Variants in FAM221A observed in about 807,000 individuals in gnomAD.
FAM221A encodes family with sequence similarity 221 member A, also known as protein FAM221A.
Under a neutral mutation model 37.6 loss-of-function variants are expected in FAM221A, and 43 were observed. The ratio of observed to expected loss-of-function variants is 1.15; its 90% CI spans 0.90 to 1.48. The LOEUF (loss-of-function observed/expected upper bound fraction) is 1.48. FAM221A is among the 40% of genes most tolerant of loss of function. FAM221A has a pLI of 0.00. For missense variants in FAM221A, 361 were observed against 361.5 expected (o/e 1.00, Z 0.01); for synonymous variants, 135 against 132.9 (o/e 1.02, Z -0.11).
intron 1 of FAM221A, among the ~76,000 whole-genome samples, chr7:23,682,397 GTA>G (rs1784097114): frequency 1.5e-5 from 2 of 129,546 alleles, no homozygotes; most frequent in East Asian, 2.3e-4. Context: ...GTGTGTGTGT[GTA>G]TGTATATATA....
At chr7:23,703,156 A>G (rs549223524), downstream of FAM221A, 1 of 152,334 alleles carries the variant, frequency 6.6e-6, no homozygotes, top group South Asian at 2.1e-4. Flanking sequence ...CAATAATAAT[A>G]TATCCTTATC....
At chr7:23,684,398 T>G in intron 1 of FAM221A, 101 bp from the exon 2 acceptor site, 62 of 670,812 alleles carry the variant, frequency 9.2e-5, no homozygotes, top group Non-Finnish European at 1.4e-4. Flanking sequence ...ATTTACAAAA[T>G]AAAAGCTTAC....
chr7:23,700,408 A>G lies in FAM221A; in HGVS notation c.746-378A>G, dbSNP rs566863380. ...GAAAGATTTTGAAGCAGGTACTATC[A>G]TTACTTATGGTTGCCTATACCAAGC... On this transcript the variant is annotated intron_variant, in intron 5 of 6. Coordinates refer to ENST00000344962, the MANE Select transcript of FAM221A (RefSeq NM_199136.5). 2.0e-5 allele frequency among the ~76,000 whole-genome samples: 3 copies of G among 152,372 alleles called. No individual in the cohort carries two copies. The East Asian group carries it at 5.8e-4, about 29-fold the overall frequency.
chr7:23,690,170 C>CATATATATATATATATAT (rs1175330292), intron 3 of FAM221A, among the ~76,000 whole-genome samples: 6 of 68,600 alleles, frequency 8.7e-5, no homozygotes, highest in Non-Finnish European at 1.1e-4. Flanking sequence ...TGCCTTGGTT[C>CATATATATATATATATAT]ATATATATAT....
rs560496518 is a variant in FAM221A at position 23,702,598 on chromosome 7, A to C, written c.*434A>C. 2.0e-5 allele frequency: 3 copies of C among 152,446 alleles called. No homozygotes were observed. The highest frequency in any genetic ancestry group is 7.2e-5 in the African/African-American group (3 of 41,592). The allele number at this position is 152,446 out of a possible 1,614,324, so 9.4% of individuals were successfully genotyped here. A position where few individuals can be genotyped will look rare whatever the true frequency, so the allele number is the denominator to read the frequency against. Reference sequence around the variant, plus strand: ...AAATCATTAATTTTTTTATTTTTCAAACTTTGTAATGTTATGTTTTCAAAT... The same window carrying C: ...AAATCATTAATTTTTTTATTTTTCACACTTTGTAATGTTATGTTTTCAAAT... On this transcript the variant is annotated 3_prime_UTR_variant, in exon 7 of 7. Coordinates refer to ENST00000344962, the MANE Select transcript of FAM221A (RefSeq NM_199136.5).
At position 23,691,537 on chromosome 7, in the gene FAM221A, G is replaced by A. The variant is rs200212919; in HGVS notation, c.578G>A (p.Gly193Glu). The change falls in exon 4 of 7, where the codon GGA (glycine) becomes GAA (glutamate). Residue 193 changes from glycine to glutamate, a missense_variant. Physicochemically the swap from Gly to Glu is moderately conservative, Grantham distance 98. Transcript: ENST00000344962. ...GACATTCCTTATGCAGCCATGGGAGGATTAACTGGTTTCAGCTCGCTGGCG... is the reference window on the plus strand; with the variant it reads ...GACATTCCTTATGCAGCCATGGGAGAATTAACTGGTTTCAGCTCGCTGGCG... ...GQDIPYAAMG[G>E]LTGFSSLAEG... 38 of 1,614,062 alleles carry A rather than the reference G, an allele frequency of 2.4e-5. No individual in the cohort carries two copies. The highest frequency in any genetic ancestry group is 1.5e-4 in the South Asian group (14 of 91,090).
At chr7:23,691,363 T>G (rs775993931) in intron 3 of FAM221A, 27 bp from the exon 4 acceptor site, 5 of 1,610,864 alleles carry the variant, frequency 3.1e-6, no homozygotes, top group Non-Finnish European at 4.2e-6. Context: ...CCTTTAAGAA[T>G]TTAACTCCCT....
intron 2 of FAM221A, chr7:23,686,597 A>C (rs1387090042): frequency 4.7e-6 from 1 of 213,622 alleles, no homozygotes; most frequent in Admixed American, 5.4e-5. Flanking sequence ...AGAAGTTATT[A>C]TATTTAGTAC....
chr7:23,697,843 C>A (rs971814440), intron 4 of FAM221A, among the ~76,000 whole-genome samples: 2 of 152,148 alleles, frequency 1.3e-5, no homozygotes, highest in African/African-American at 4.8e-5. Flanking sequence ...CCTCAAATTC[C>A]TGGGCTCAAA....
intron 4 of FAM221A, chr7:23,692,106 C>A: frequency 1.5e-6 from 1 of 650,192 alleles, no homozygotes; most frequent in Non-Finnish European, 1.9e-6. Flanking sequence ...TGTGCACACA[C>A]ATATATCTTC....
chr7:23,684,406 T>C, intron 1 of FAM221A, 93 bp from the exon 2 acceptor site: 3 of 714,152 alleles, frequency 4.2e-6, no homozygotes, highest in African/African-American at 2.4e-5. Flanking sequence ...AATAAAAGCT[T>C]ACAAATTTAT....
chr7:23,681,963 G>A (rs1288384164), intron 1 of FAM221A, among the ~76,000 whole-genome samples: 2 of 151,980 alleles, frequency 1.3e-5, no homozygotes, highest in Non-Finnish European at 2.9e-5. Context: ...CGGTTGGGAG[G>A]GGAAGCATGC....
intron 2 of FAM221A, chr7:23,688,597 G>C (rs1352758204): frequency 6.6e-6 from 1 of 151,072 alleles, no homozygotes; most frequent in Non-Finnish European, 1.5e-5. Flanking sequence ...TTTAAGTAAT[G>C]CACTGTGACA....
intron 5 of FAM221A, 92 bp downstream of exon 5, chr7:23,698,391 T>C (rs970562608): frequency 1.4e-6 from 1 of 721,726 alleles, no homozygotes; most frequent in African/African-American, 1.9e-5. Context: ...TTTTTTTCAT[T>C]ATTACGATAA....
intron 2 of FAM221A, chr7:23,686,492 T>G: frequency 3.4e-6 from 1 of 296,026 alleles, no homozygotes; most frequent in Non-Finnish European, 6.6e-6. Flanking sequence ...CTGGAACTCC[T>G]GGGCTTAAGT....
chr7:23,698,354 C>T, intron 5 of FAM221A, 55 bp downstream of exon 5: 2 of 917,912 alleles, frequency 2.2e-6, no homozygotes, highest in Non-Finnish European at 3.4e-6. Context: ...GAATATGGAG[C>T]TTTGATTTGT....
intron 4 of FAM221A, among the ~76,000 whole-genome samples, chr7:23,696,648 T>C (rs550197762): frequency 6.6e-6 from 1 of 152,340 alleles, no homozygotes; most frequent in African/African-American, 2.4e-5. Context: ...CAGTCCATTG[T>C]TGACCAAAAT....
intron 6 of FAM221A, among the ~76,000 whole-genome samples, chr7:23,701,459 T>C (rs539683743): frequency 6.5e-4 from 99 of 152,248 alleles, no homozygotes; most frequent in Admixed American, 1.2e-3. Flanking sequence ...CAGGATGGTC[T>C]GGATCTCCTG....
chr7:23,687,420 C>T (rs958363741), intron 2 of FAM221A: 1 of 152,090 alleles, frequency 6.6e-6, no homozygotes, highest in Non-Finnish European at 1.5e-5. Flanking sequence ...AAACTGTTGT[C>T]TAGTAATTTA....
Sources: allele counts gnomAD v4.1 joint callset (sites outside exome capture counted in the v4.1 genomes callset), GRCh38; gene constraint gnomAD v4.1.1; transcripts MANE v1.5; gene names NCBI Gene and HGNC (gene_info 2026-07-23, HGNC 2026-07-21).